OSBPL6: variants seen among roughly 807,000 people sequenced by gnomAD.
OSBPL6 encodes oxysterol-binding protein-related protein 6.
OSBPL6 carries 49 observed loss-of-function variants against 125.8 expected under a neutral mutation model. That is an observed-to-expected ratio of 0.39 (90% CI 0.31 to 0.49). The LOEUF is 0.49. Among genes scored for constraint, OSBPL6 ranks in the 20% least tolerant of loss-of-function variants. OSBPL6 has a pLI of 0.88. For synonymous variants in OSBPL6, 394 were observed against 391.8 expected (o/e 1.01, Z -0.07); for missense variants, 986 against 1,135.4 (o/e 0.87, Z 1.89).
intron 15 of OSBPL6, among the ~76,000 whole-genome samples, chr2:178,380,343 T>C (rs1482452180): frequency 1.3e-5 from 2 of 149,098 alleles, no homozygotes; most frequent in African/African-American, 4.9e-5. Context: ...CCCAGCTACT[T>C]GGGAGGCTGA....
intron 1 of OSBPL6, among the ~76,000 whole-genome samples, chr2:178,198,526 A>T (rs2089040445): frequency 6.6e-6 from 1 of 150,722 alleles, no homozygotes; most frequent in Non-Finnish European, 1.5e-5. Context: ...TGAACTCCTG[A>T]CCTCATGAGG....
chr2:178,233,589 A>G (rs982442837), intron 1 of OSBPL6, among the ~76,000 whole-genome samples: 16 of 152,178 alleles, frequency 1.1e-4, no homozygotes, highest in East Asian at 1.9e-4. Flanking sequence ...TTTCACTCAC[A>G]TGACTCAGAG....
At chr2:178,351,748 C>T (rs967606543) in intron 12 of OSBPL6, among the ~76,000 whole-genome samples, 2 of 152,094 alleles carry the variant, frequency 1.3e-5, no homozygotes, top group Non-Finnish European at 2.9e-5. Flanking sequence ...AACAGAAAAC[C>T]AAATACCACG....
rs116608280 is a variant in OSBPL6, at chr2:178,389,069, G to C, written c.2217G>C (p.Gly739=). Residue 739 remains glycine, a synonymous_variant, in exon 21 of 25, where the codon GGG becomes GGC. Transcript: ENST00000190611. ...VTTCIHNILS[G]RRWIEHYGEV... is the part of the protein sequence containing the mutation. ...CTTGCATACACAACATCCTCAGTGG[G>C]AGAAGATGGATAGAACATTATGGAG... 14,242 of 1,613,872 alleles carry C rather than the reference G, an allele frequency of 8.8e-3. 79 individuals are homozygous for C. Among genetic ancestry groups the C allele is most frequent in the Non-Finnish European group, 0.01 (12,292 of 1,179,842 alleles).
chr2:178,198,143 C>T (rs2089014677), intron 1 of OSBPL6, among the ~76,000 whole-genome samples: 2 of 151,984 alleles, frequency 1.3e-5, no homozygotes, highest in African/African-American at 2.4e-5. Context: ...CAAGGCTCCT[C>T]GTTAGGAGGC....
intron 3 of OSBPL6, among the ~76,000 whole-genome samples, chr2:178,313,675 A>G (rs115936044): frequency 0.11 from 16,066 of 152,286 alleles, 1,040 homozygotes; most frequent in African/African-American, 0.18. Context: ...TATATTCCGT[A>G]TAATGGTCCA....
At chr2:178,327,695 G>A (rs560449809) in intron 4 of OSBPL6, among the ~76,000 whole-genome samples, 4 of 152,220 alleles carry the variant, frequency 2.6e-5, no homozygotes, top group Admixed American at 2.0e-4. Context: ...TTGAAAGCAC[G>A]AAGTTCTTTG....
At chr2:178,224,161 G>C (rs2153972645) in intron 1 of OSBPL6, among the ~76,000 whole-genome samples, 1 of 152,276 alleles carries the variant, frequency 6.6e-6, no homozygotes, top group South Asian at 2.1e-4. Flanking sequence ...ACCCGGGAAG[G>C]GAGACAATAA....
intron 13 of OSBPL6, among the ~76,000 whole-genome samples, chr2:178,368,337 G>A (rs1020298358): frequency 2.6e-5 from 4 of 152,060 alleles, no homozygotes; most frequent in African/African-American, 9.7e-5. Context: ...TCACCACTGG[G>A]GTTGCCAGAG....
In OSBPL6 at chr2:178,245,879, A is replaced by G. The variant is rs887357104; in HGVS notation, c.-350-39048A>G. Among the ~76,000 whole-genome samples the G allele has an allele frequency of 7.9e-5, 12 of 152,178 alleles. No homozygotes were observed. In the East Asian group the frequency reaches 2.3e-3, roughly 29 times the overall value. Reference sequence around the variant, plus strand: ...CTCTAAGCCCCCAGCCCTAAATTCCATAGTACATCCTATAGGAATTCGGGG... The same window carrying G: ...CTCTAAGCCCCCAGCCCTAAATTCCGTAGTACATCCTATAGGAATTCGGGG... On this transcript the variant is annotated intron_variant, in intron 1 of 24. Coordinates refer to ENST00000190611, the MANE Select transcript of OSBPL6 (RefSeq NM_032523.4).
intron 1 of OSBPL6, among the ~76,000 whole-genome samples, chr2:178,246,033 C>T (rs2091476773): frequency 1.3e-5 from 2 of 152,120 alleles, no homozygotes; most frequent in African/African-American, 4.8e-5. Flanking sequence ...TCCATCTGGT[C>T]CCTGGCCCTT....
intron 1 of OSBPL6, among the ~76,000 whole-genome samples, chr2:178,245,095 G>A (rs1162597294): frequency 6.6e-6 from 1 of 152,164 alleles, no homozygotes; most frequent in Non-Finnish European, 1.5e-5. Context: ...TGATTTGACA[G>A]AACTCAAGCG....
chr2:178,321,143 C>T (rs1574861012), intron 3 of OSBPL6, among the ~76,000 whole-genome samples: 1 of 152,194 alleles, frequency 6.6e-6, no homozygotes, highest in Admixed American at 6.5e-5. Context: ...GAGCAAGACT[C>T]TGTCTCAAAA....
chr2:178,232,396 AG>A (rs1268234890), intron 1 of OSBPL6, among the ~76,000 whole-genome samples: 3 of 152,160 alleles, frequency 2.0e-5, no homozygotes, highest in Admixed American at 6.6e-5. Flanking sequence ...GGTTAAAGAG[AG>A]GGGAAGGCTC....
At chr2:178,212,031 G>GA (rs527685898) in intron 1 of OSBPL6, among the ~76,000 whole-genome samples, 97 of 152,258 alleles carry the variant, frequency 6.4e-4, no homozygotes, top group Non-Finnish European at 1.2e-3. Flanking sequence ...ATGCAAGGGA[G>GA]AAAAAATGTC....
intron 1 of OSBPL6, among the ~76,000 whole-genome samples, chr2:178,245,319 T>C (rs931880349): frequency 6.6e-6 from 1 of 152,228 alleles, no homozygotes; most frequent in Non-Finnish European, 1.5e-5. Context: ...ATAATTGCAC[T>C]TCTGCTCATT....
At chr2:178,280,480 G>A (rs116012295) in intron 1 of OSBPL6, among the ~76,000 whole-genome samples, 1,639 of 152,176 alleles carry the variant, frequency 0.011, 29 homozygotes, top group African/African-American at 0.038. Flanking sequence ...AGGTTATAGC[G>A]GGTACTACAC....
Position 178,265,919 on chromosome 2 carries a change from A to G in OSBPL6, c.-350-19008A>G, listed in dbSNP as rs150879428. Among the ~76,000 whole-genome samples the G allele has an allele frequency of 2.3e-3, 345 of 152,312 alleles. 1 individual carries two copies. Among genetic ancestry groups the G allele is most frequent in the Non-Finnish European group, 3.9e-3 (264 of 68,016 alleles). ...CTGAAAAAAATCACAGAAATCTCTA[A>G]TTGCAAACTGTGATAAATGCTGAAA... On this transcript the variant is annotated intron_variant, in intron 1 of 24. Transcript: ENST00000190611.
At chr2:178,279,011 T>C (rs2092524833) in intron 1 of OSBPL6, among the ~76,000 whole-genome samples, 1 of 152,206 alleles carries the variant, frequency 6.6e-6, no homozygotes, top group Non-Finnish European at 1.5e-5. Flanking sequence ...GGCCCACATA[T>C]GTGAGAAAAT....
Sources: allele counts gnomAD v4.1 joint callset (sites outside exome capture counted in the v4.1 genomes callset), GRCh38; gene constraint gnomAD v4.1.1; transcripts MANE v1.5; gene names NCBI Gene and HGNC (gene_info 2026-07-23, HGNC 2026-07-21).